VAV2: variants seen among roughly 807,000 people sequenced by gnomAD.
The protein encoded by VAV2 is vav guanine nucleotide exchange factor 2, also known as guanine nucleotide exchange factor VAV2.
VAV2 carries 67 observed loss-of-function variants against 132.5 expected under a neutral mutation model. The ratio of observed to expected loss-of-function variants is 0.51; its 90% CI spans 0.42 to 0.62. The LOEUF is 0.62. Among genes scored for constraint, VAV2 ranks in the 20% least tolerant of loss-of-function variants. VAV2 has a pLI of 0.00. For missense variants in VAV2, 938 were observed against 1,153.6 expected (o/e 0.81, Z 2.71); for synonymous variants, 492 against 443.5 (o/e 1.11, Z -1.37).
intron 4 of VAV2, among the ~76,000 whole-genome samples, chr9:133,825,863 A>C (rs1835968492): frequency 1.3e-5 from 2 of 152,224 alleles, no homozygotes; most frequent in Admixed American, 1.3e-4. Context: ...TGTAGAAAGA[A>C]GACGTCCAAA....
At chr9:133,782,051 C>T (rs1206101656) in intron 19 of VAV2, among the ~76,000 whole-genome samples, 2 of 151,484 alleles carry the variant, frequency 1.3e-5, no homozygotes, top group Non-Finnish European at 2.9e-5. Flanking sequence ...CTTTACACTT[C>T]TCTACATTTT....
chr9:133,861,553 T>C, intron 2 of VAV2, 121 bp from the exon 3 acceptor site: 1 of 1,073,146 alleles, frequency 9.3e-7, no homozygotes, highest in Non-Finnish European at 1.3e-6. Context: ...CGCATCTGGG[T>C]AAGAAACACG....
intron 1 of VAV2, among the ~76,000 whole-genome samples, chr9:133,962,240 T>C (rs1385965513): frequency 6.6e-6 from 1 of 152,032 alleles, no homozygotes; most frequent in Non-Finnish European, 1.5e-5. Flanking sequence ...CCAGATTCAA[T>C]GACCAGTGTC....
At chr9:133,848,590 A>G (rs542834964) in intron 3 of VAV2, among the ~76,000 whole-genome samples, 1 of 152,384 alleles carries the variant, frequency 6.6e-6, no homozygotes, top group East Asian at 1.9e-4. Flanking sequence ...GGCCGATCCC[A>G]GGGTTCCTTC....
At chr9:133,904,098 C>T (rs1359831760) in intron 2 of VAV2, among the ~76,000 whole-genome samples, 1 of 152,190 alleles carries the variant, frequency 6.6e-6, no homozygotes, top group Non-Finnish European at 1.5e-5. Context: ...GAGCTGCTTC[C>T]TATCCGGGTA....
Position 133,928,637 on chromosome 9 carries a change from A to C in VAV2, c.321+10466T>G, listed in dbSNP as rs966291386. 2.6e-5 allele frequency among the ~76,000 whole-genome samples: 4 copies of C among 152,138 alleles called. No homozygotes were observed. The highest frequency in any genetic ancestry group is 9.7e-5 in the African/African-American group (4 of 41,430). On this transcript the variant is annotated intron_variant, in intron 2 of 29. Transcript: ENST00000371850. This position sits in a 1 kb window ranked among gnomAD's most constrained non-coding sequence, Gnocchi z 5.4. ...AACAAATACGAAGAGGAAATGAACAAACACATGCAGCCTCGGGGCCTGGGT... is the reference window on the plus strand; with the variant it reads ...AACAAATACGAAGAGGAAATGAACACACACATGCAGCCTCGGGGCCTGGGT...
At chr9:133,986,709 C>G (rs993003326) in intron 1 of VAV2, among the ~76,000 whole-genome samples, 2 of 152,166 alleles carry the variant, frequency 1.3e-5, no homozygotes, top group Admixed American at 6.5e-5. Context: ...TCTATCCCCC[C>G]CAAAAAAAGA....
intron 2 of VAV2, among the ~76,000 whole-genome samples, chr9:133,903,478 C>T (rs899092500): frequency 5.3e-5 from 8 of 152,158 alleles, no homozygotes; most frequent in Admixed American, 1.3e-4. Context: ...ACAACAATCC[C>T]GGGAGATGTG....
intron 3 of VAV2, among the ~76,000 whole-genome samples, chr9:133,854,801 G>GA (rs1334918233): frequency 6.6e-6 from 1 of 151,776 alleles, no homozygotes; most frequent in African/African-American, 2.4e-5. Flanking sequence ...GAAAGAAAAG[G>GA]AAAAAAAAGA....
chr9:133,959,016 A>C (rs938016266), intron 1 of VAV2, among the ~76,000 whole-genome samples: 1 of 150,120 alleles, frequency 6.7e-6, no homozygotes, highest in Non-Finnish European at 1.5e-5. Context: ...GTGCCGAGAA[A>C]CAGCACAGGC....
chr9:133,947,503 T>G (rs2810536), intron 1 of VAV2, among the ~76,000 whole-genome samples: 41,562 of 151,870 alleles, frequency 0.27, 5,791 homozygotes, highest in East Asian at 0.39. Flanking sequence ...AGTTTGAGAC[T>G]ATCCTGACCA....
In VAV2 at chr9:133,928,379, C is replaced by G. The variant is rs751081735; in HGVS notation, c.321+10724G>C. Among the ~76,000 whole-genome samples the G allele has an allele frequency of 6.6e-6, 1 of 152,208 alleles. No homozygotes were observed. Among genetic ancestry groups the G allele is most frequent in the East Asian group, 1.9e-4 (1 of 5,184 alleles). Reference sequence around the variant, plus strand: ...AGGCCTTTGCCAACAGCCCCTGCGCCGGGCTCTGCCGGGAGCCTGAGGCAG... The same window carrying G: ...AGGCCTTTGCCAACAGCCCCTGCGCGGGGCTCTGCCGGGAGCCTGAGGCAG... On this transcript the variant is annotated intron_variant, in intron 2 of 29. Coordinates refer to ENST00000371850, the MANE Select transcript of VAV2 (RefSeq NM_001134398.2). This position sits in a 1 kb window ranked among gnomAD's most constrained non-coding sequence, Gnocchi z 5.4.
chr9:133,827,153 G>A (rs1348830248), intron 4 of VAV2, among the ~76,000 whole-genome samples: 3 of 152,214 alleles, frequency 2.0e-5, no homozygotes, highest in South Asian at 2.1e-4. Flanking sequence ...CTGGAAGGAA[G>A]AAGCCAATGT....
At chr9:133,905,643 G>A (rs1839622715) in intron 2 of VAV2, among the ~76,000 whole-genome samples, 1 of 152,016 alleles carries the variant, frequency 6.6e-6, no homozygotes, top group South Asian at 2.1e-4. Context: ...GACCCTCAGG[G>A]CCCTGTGACA....
chr9:133,874,544 T>G (rs946983773), intron 2 of VAV2, among the ~76,000 whole-genome samples: 3 of 152,006 alleles, frequency 2.0e-5, no homozygotes, highest in Admixed American at 1.3e-4. Context: ...GCCTCCAAGG[T>G]ACAAGAATCC....
chr9:133,956,308 C>A (rs1841777616), intron 1 of VAV2, among the ~76,000 whole-genome samples: 4 of 152,138 alleles, frequency 2.6e-5, no homozygotes. Flanking sequence ...CCCTGCAGCC[C>A]CTCCCTACCC....
rs368503042 is a variant in VAV2, at chr9:133,767,850, G to A, written c.2589+592C>T. Among the ~76,000 whole-genome samples the A allele has an allele frequency of 3.3e-5, 5 of 152,336 alleles. No homozygotes were observed. In the South Asian group the frequency reaches 6.2e-4, roughly 19 times the overall value. ...TCTGGTGCTTGGATGGATAGGTACT[G>A]AGAGACATGGGTCAAAGCTAGAGGT... On this transcript the variant is annotated intron_variant, in intron 29 of 29. Coordinates refer to ENST00000371850, the MANE Select transcript of VAV2 (RefSeq NM_001134398.2).
intron 2 of VAV2, among the ~76,000 whole-genome samples, chr9:133,872,036 A>G (rs1410439723): frequency 6.6e-6 from 1 of 152,254 alleles, no homozygotes; most frequent in Non-Finnish European, 1.5e-5. Flanking sequence ...AGCTGGAATC[A>G]CATCCAGGAC....
rs1473473622 is a variant in VAV2, at chr9:133,926,763, T to G, written c.321+12340A>C. ...CCAAAGTCCCTGTCACTCTGCACAG[T>G]AGGCAGTGGCCCCTGGCTCCCTGTC... On this transcript the variant is annotated intron_variant, in intron 2 of 29. Transcript: ENST00000371850. This position sits in a 1 kb window ranked among gnomAD's most constrained non-coding sequence, Gnocchi z 4.3. 6.6e-6 allele frequency among the ~76,000 whole-genome samples: 1 copy of G among 152,142 alleles called. No individual in the cohort carries two copies. The highest frequency in any genetic ancestry group is 1.5e-5 in the Non-Finnish European group (1 of 68,028).
Sources: allele counts gnomAD v4.1 joint callset (sites outside exome capture counted in the v4.1 genomes callset), GRCh38; gene constraint gnomAD v4.1.1; non-coding constraint Gnocchi (gnomAD v3.1); transcripts MANE v1.5; gene names NCBI Gene and HGNC (gene_info 2026-07-23, HGNC 2026-07-21).